Variants in PLEC observed in about 807,000 individuals in gnomAD.
PLEC encodes plectin.
PLEC carries 216 observed loss-of-function variants against 392.8 expected under a neutral mutation model. The observed-to-expected ratio is 0.55, with a 90% confidence interval of 0.49 to 0.62. The LOEUF is 0.62. PLEC is among the 20% of genes least tolerant of loss of function. The pLI, the probability that PLEC is intolerant of heterozygous loss-of-function variation, is 0.00. For synonymous variants in PLEC, 3,621 were observed against 2,980.6 expected, an observed-to-expected ratio of 1.21 and a Z score of -7.00; for missense variants, 6,863 against 6,563.4, an observed-to-expected ratio of 1.05 and a Z score of -1.58.
At chr8:143,942,339 G>T (rs1830639775), upstream of PLEC, 2 of 1,596,230 alleles carry the variant, frequency 1.3e-6, no homozygotes, top group East Asian at 2.2e-5. Flanking sequence ...AGCCCCACTA[G>T]GTGAGAGCGA....
Position 143,962,304 on chromosome 8 carries a change from G to A in PLEC, c.70+11099C>T, listed in dbSNP as rs573962594. 8.5e-5 allele frequency among the ~76,000 whole-genome samples: 13 copies of A among 152,294 alleles called. No individual in the cohort carries two copies. In the East Asian group the frequency reaches 2.3e-3, roughly 27 times the overall value. On this transcript the variant is annotated intron_variant, in intron 1 of 31. Coordinates refer to the PLEC transcript ENST00000356346. ...CCAAGGGGCAGTGGAGTTGGAAGAGGCAGGCGGCTATTCCTAGGCTCTTCC... is the reference window on the plus strand; with the variant it reads ...CCAAGGGGCAGTGGAGTTGGAAGAGACAGGCGGCTATTCCTAGGCTCTTCC...
chr8:143,929,606 C>G, intron 23 of PLEC, 35 bp from the exon 24 acceptor site: 1 of 1,610,904 alleles, frequency 6.2e-7, no homozygotes, highest in Non-Finnish European at 8.5e-7. Context: ...CACCGCCCAC[C>G]TCGCACCAGC....
In PLEC at chr8:143,933,109, A is replaced by C. The variant is rs1554718933; in HGVS notation, c.1421T>G (p.Val474Gly). The C allele has an allele frequency of 1.3e-6, 2 of 1,589,770 alleles. No homozygotes were observed. Among genetic ancestry groups the C allele is most frequent in the African/African-American group, 2.7e-5 (2 of 73,824 alleles). The change falls in exon 14 of 32, where the codon GTG becomes GGG. Residue 474 changes from valine (V) to glycine (G), a missense_variant and splice_region_variant. Coordinates refer to ENST00000345136, the MANE Select transcript of PLEC (RefSeq NM_201384.3). ...TACCAGGCGCTCGTGCAGACGGTAC[A>C]CCCTGGGGCAGCAGAGGACTCAGGT... ...HPQGEQMYRR[V>G]YRLHERLVAI... is the part of the protein sequence containing the mutation.
At chr8:143,931,252 G>T (rs1043752890) in intron 19 of PLEC, among the ~76,000 whole-genome samples, 1 of 151,934 alleles carries the variant, frequency 6.6e-6, no homozygotes, top group Non-Finnish European at 1.5e-5. Flanking sequence ...GCTGCCTCTC[G>T]GCTCCCCACA....
At position 143,922,223 on chromosome 8, in the gene PLEC, T is replaced by C. The variant is rs1179311894; in HGVS notation, c.7598A>G (p.Glu2533Gly). The C allele has an allele frequency of 3.2e-6, 5 of 1,571,946 alleles. No homozygotes were observed. The highest frequency in any genetic ancestry group is 1.8e-5 in the Admixed American group (1 of 54,424). Reference protein sequence around the residue: ...EVAKAQQLREEQQRQQQQMEQ... With the variant: ...EVAKAQQLREGQQRQQQQMEQ... Reference sequence around the variant, plus strand: ...CATCTGCTGCTGCTGCCGCTGCTGCTCCTCACGCAGCTGCTGTGCCTTGGC... The same window carrying C: ...CATCTGCTGCTGCTGCCGCTGCTGCCCCTCACGCAGCTGCTGTGCCTTGGC... The change falls in exon 32 of 32, where the codon GAG becomes GGG. Residue 2533 changes from glutamate to glycine, a missense_variant. By Grantham distance (98) the Glu-to-Gly change is moderately conservative. Transcript: ENST00000345136.
chr8:143,968,745 A>G (rs550735948), intron 1 of PLEC, among the ~76,000 whole-genome samples: 1 of 152,330 alleles, frequency 6.6e-6, no homozygotes, highest in African/African-American at 2.4e-5. Context: ...CAATCACACC[A>G]AAGTGTTCAA....
In PLEC at chr8:143,918,933, C is replaced by T; in HGVS notation, c.10888G>A (p.Glu3630Lys). Residue 3630 changes from glutamate to lysine, a missense_variant, in exon 32 of 32, where the codon GAG becomes AAG. By Grantham distance (56) the Glu-to-Lys change is moderately conservative. Coordinates refer to ENST00000345136, the MANE Select transcript of PLEC (RefSeq NM_201384.3). ...GCCAGACCCTGCTGGCGGATGATCT[C>T]TGTCTTCTCAATGATCTCGATGATG... ...IIIIEIIEKT[E>K]IIRQQGLASY... 3 of 1,610,866 alleles carry T rather than the reference C, an allele frequency of 1.9e-6. No homozygotes were observed. Among genetic ancestry groups the T allele is most frequent in the Non-Finnish European group, 2.5e-6 (3 of 1,180,014 alleles).
Position 143,923,084 on chromosome 8 carries a change from C to A in PLEC, c.6845G>T (p.Arg2282Leu). The change falls in exon 31 of 32, where the codon CGG (arginine) becomes CTG (leucine). Residue 2282 changes from arginine (R) to leucine (L), a missense_variant. By Grantham distance (102) the Arg-to-Leu change is moderately radical. Transcript: ENST00000345136. ...KMKQVAEEAA[R>L]LSVAAQEAAR... Reference sequence around the variant, plus strand: ...AGCCTCTTGGGCCGCCACACTCAGCCGCGCGGCCTCCTCCGCCACCTGCTT... The same window carrying A: ...AGCCTCTTGGGCCGCCACACTCAGCAGCGCGGCCTCCTCCGCCACCTGCTT... The A allele has an allele frequency of 6.2e-7, 1 of 1,608,018 alleles. No individual in the cohort carries two copies. The highest frequency in any genetic ancestry group is 8.5e-7 in the Non-Finnish European group (1 of 1,179,830).
At chr8:143,961,061 A>G (rs782457429) in intron 1 of PLEC, among the ~76,000 whole-genome samples, 1 of 152,212 alleles carries the variant, frequency 6.6e-6, no homozygotes, top group Non-Finnish European at 1.5e-5. Context: ...TCGGACACAC[A>G]CTGCGCGTTT....
At position 143,930,546 on chromosome 8, in the gene PLEC, A is replaced by G. The variant is rs782530834; in HGVS notation, c.2305-10T>C. 3 of 1,573,974 alleles carry G rather than the reference A, an allele frequency of 1.9e-6. No homozygotes were observed. Among genetic ancestry groups the G allele is most frequent in the African/African-American group, 2.9e-5 (2 of 68,792 alleles). On this transcript the variant is annotated splice_polypyrimidine_tract_variant and intron_variant, in intron 19 of 31. Coordinates refer to ENST00000345136, the MANE Select transcript of PLEC (RefSeq NM_201384.3). ...GCTGTTCCTTCTCGTCCTGTGGGGG[A>G]GGGGCAGCATCCAGACGAGGGCCAT...
At position 143,931,526 on chromosome 8, in the gene PLEC, T is replaced by C. The variant is rs1041681409; in HGVS notation, c.2304+8A>G. On this transcript the variant is annotated splice_region_variant and intron_variant, in intron 19 of 31. Transcript: ENST00000345136. The stretch of plus-strand genomic sequence containing the variant: ...TCCTGACACGCCCCTGCACACCCCC[T>C]CCCTCACCTGGGCATCCTGCAGCAG... 15 of 1,570,566 alleles carry C rather than the reference T, an allele frequency of 9.6e-6. No individual in the cohort carries two copies. Among genetic ancestry groups the C allele is most frequent in the African/African-American group, 1.4e-5 (1 of 72,296 alleles).
In PLEC at chr8:143,921,202, C is replaced by T. The variant is rs782378265; in HGVS notation, c.8619G>A (p.Glu2873=). 3.1e-6 allele frequency: 5 copies of T among 1,614,032 alleles called. No individual in the cohort carries two copies. The highest frequency in any genetic ancestry group is 4.2e-6 in the Non-Finnish European group (5 of 1,180,044). ...GAAGGCACAGGCCCGTCTCGGGGTC[C>T]TCCACGCAGCGCTCCAGTAGCTGCA... ...TYLQLLERCV[E]DPETGLCLLP... Residue 2873 remains glutamate, a synonymous_variant, in exon 32 of 32, where the codon GAG becomes GAA. Transcript: ENST00000345136.
In PLEC at chr8:143,917,405, C is replaced by T. The variant is rs1554671990; in HGVS notation, c.12416G>A (p.Arg4139His). 3.7e-6 allele frequency: 6 copies of T among 1,612,388 alleles called. No individual in the cohort carries two copies. Among genetic ancestry groups the T allele is most frequent in the African/African-American group, 2.7e-5 (2 of 74,882 alleles). The change falls in exon 32 of 32, where the codon CGC (arginine) becomes CAC (histidine). Residue 4139 changes from arginine (R) to histidine (H), a missense_variant. Coordinates refer to ENST00000345136, the MANE Select transcript of PLEC (RefSeq NM_201384.3). Reference sequence around the variant, plus strand: ...CTCGGGGTCCACGATGACCACTCGGCGCTTGCGCACGGAGGACTTGGAGGA... The same window carrying T: ...CTCGGGGTCCACGATGACCACTCGGTGCTTGCGCACGGAGGACTTGGAGGA... Reference protein sequence around the residue: ...KTSSKSSVRKRRVVIVDPETG... With the variant: ...KTSSKSSVRKHRVVIVDPETG...
Position 143,939,411 on chromosome 8 carries a change from C to A in PLEC, c.51G>T (p.Lys17Asn). Reference protein sequence around the residue: ...RVPQPEGLGRKRTSSEDNLYL... With the variant: ...RVPQPEGLGRNRTSSEDNLYL... ...ACAGGTTGTCCTCCGAGCTGGTTCT[C>A]TTTCGGCCCAGGCCCTCGGGCTGCG... Residue 17 changes from lysine to asparagine, a missense_variant, in exon 1 of 32, where the codon AAG (lysine) becomes AAT (asparagine). Lys to Asn is a moderately conservative substitution (Grantham distance 94, BLOSUM62 0). Coordinates refer to ENST00000345136, the MANE Select transcript of PLEC (RefSeq NM_201384.3). The A allele has an allele frequency of 6.2e-7, 1 of 1,612,774 alleles. No homozygotes were observed. The highest frequency in any genetic ancestry group is 8.5e-7 in the Non-Finnish European group (1 of 1,179,804).
intron 1 of PLEC, chr8:143,946,385 C>G (rs1554732226): frequency 7.8e-7 from 1 of 1,288,936 alleles, no homozygotes; most frequent in Admixed American, 2.3e-5. Flanking sequence ...CATGCTGTAC[C>G]TGTCCATGGC....
In PLEC at chr8:143,920,952, T is replaced by G; in HGVS notation, c.8869A>C (p.Lys2957Gln). The change falls in exon 32 of 32, where the codon AAG becomes CAG. Residue 2957 changes from lysine (K) to glutamine (Q), a missense_variant. Coordinates refer to ENST00000345136, the MANE Select transcript of PLEC (RefSeq NM_201384.3). ...TCCTCCACCACCGTGATGATGATCTTGATGATCTTCTCCACTGTGATCCGG... is the reference window on the plus strand; with the variant it reads ...TCCTCCACCACCGTGATGATGATCTGGATGATCTTCTCCACTGTGATCCGG... ...TGRITVEKII[K>Q]IIITVVEEQE... 6.2e-7 allele frequency: 1 copy of G among 1,613,052 alleles called. No individual in the cohort carries two copies. Among genetic ancestry groups the G allele is most frequent in the Non-Finnish European group, 8.5e-7 (1 of 1,180,014 alleles).
At chr8:143,933,855 A>C in intron 12 of PLEC, 143 bp downstream of exon 12, 1 of 698,918 alleles carries the variant, frequency 1.4e-6, no homozygotes, top group Non-Finnish European at 2.5e-6. Context: ...TCAGGCCTGG[A>C]TTCCCCACCA....
Position 143,925,250 on chromosome 8 carries a change from G to A in PLEC, c.4679C>T (p.Ala1560Val), listed in dbSNP as rs782482917. 6.3e-6 allele frequency: 10 copies of A among 1,585,480 alleles called. No individual in the cohort carries two copies. The highest frequency in any genetic ancestry group is 2.3e-5 in the East Asian group (1 of 44,078). ...CTCCAGGGCCACCTGTACCTGCCGCGCTCGCTCCACCTCGGCCTGCCGCAG... is the reference window on the plus strand; with the variant it reads ...CTCCAGGGCCACCTGTACCTGCCGCACTCGCTCCACCTCGGCCTGCCGCAG... ...RRLRQAEVER[A>V]RQVQVALETA... The change falls in exon 31 of 32, where the codon GCG (alanine) becomes GTG (valine). Residue 1560 changes from alanine (A) to valine (V), a missense_variant. Transcript: ENST00000345136.
intron 1 of PLEC, among the ~76,000 whole-genome samples, chr8:143,949,211 A>T (rs1554733961): frequency 6.6e-6 from 1 of 152,136 alleles, no homozygotes; most frequent in Non-Finnish European, 1.5e-5. Context: ...CACCCTGGCA[A>T]ATCCTGCCCA....
Sources: allele counts gnomAD v4.1 joint callset (sites outside exome capture counted in the v4.1 genomes callset), GRCh38; gene constraint gnomAD v4.1.1; transcripts MANE v1.5; gene names NCBI Gene and HGNC (gene_info 2026-07-23, HGNC 2026-07-21).